CTNNA2: variants seen among roughly 807,000 people sequenced by gnomAD.
CTNNA2 encodes catenin alpha-2.
CTNNA2 carries 42 observed loss-of-function variants against 101.0 expected under a neutral mutation model. The ratio of observed to expected loss-of-function variants is 0.42; its 90% CI spans 0.32 to 0.54. CTNNA2 has a LOEUF of 0.54. Among genes scored for constraint, CTNNA2 ranks in the 20% least tolerant of loss-of-function variants. CTNNA2 has a pLI of 0.14. For synonymous variants in CTNNA2, 450 were observed against 456.4 expected, an observed-to-expected ratio of 0.99 and a Z score of 0.18; for missense variants, 871 against 1,223.1, an observed-to-expected ratio of 0.71 and a Z score of 4.29.
chr2:80,509,025 C>G (rs533098562), intron 9 of CTNNA2, among the ~76,000 whole-genome samples: 1 of 152,244 alleles, frequency 6.6e-6, no homozygotes, highest in Admixed American at 6.5e-5. Flanking sequence ...ATCTGTGGAT[C>G]AAACCAAGCA....
At chr2:79,784,964 G>C (rs990793544) in intron 3 of CTNNA2, among the ~76,000 whole-genome samples, 4 of 152,040 alleles carry the variant, frequency 2.6e-5, no homozygotes, top group Non-Finnish European at 5.9e-5. Flanking sequence ...ATGTTTACTT[G>C]GTCAAAATTA....
rs1689114951 is a variant in CTNNA2 at position 79,954,816 on chromosome 2, A to C, written c.1056+45019A>C. Among the ~76,000 whole-genome samples, 3 of 152,120 alleles carry C rather than the reference A, an allele frequency of 2.0e-5. 1 individual carries two copies. In the South Asian group the frequency reaches 6.2e-4, roughly 32 times the overall value. On this transcript the variant is annotated intron_variant, in intron 7 of 18. Coordinates refer to ENST00000402739, the MANE Select transcript of CTNNA2 (RefSeq NM_001282597.3). ...TAGACCTGTGGGTTTTTTTCTTTTC[A>C]ATATCGTTGTTATTCAGAGAACATA...
intron 4 of CTNNA2, among the ~76,000 whole-genome samples, chr2:79,434,450 T>A (rs1423637852): frequency 1.3e-5 from 2 of 152,122 alleles, no homozygotes; most frequent in African/African-American, 4.8e-5. Flanking sequence ...ACACAAAAGA[T>A]AATCTAGCTG....
At chr2:80,185,502 A>G (rs1449808694) in intron 7 of CTNNA2, among the ~76,000 whole-genome samples, 2 of 152,214 alleles carry the variant, frequency 1.3e-5, no homozygotes, top group Non-Finnish European at 2.9e-5. Flanking sequence ...GACATTTCAG[A>G]AACTCTCTGT....
At chr2:80,068,472 C>T (rs1698120000) in intron 7 of CTNNA2, among the ~76,000 whole-genome samples, 1 of 152,212 alleles carries the variant, frequency 6.6e-6, no homozygotes, top group Non-Finnish European at 1.5e-5. Context: ...ATAATTGCAA[C>T]TCCTTGCACA....
rs1019598627 is a variant in CTNNA2, at chr2:80,160,329, G to A, written c.1057-232882G>A. Among the ~76,000 whole-genome samples the A allele has an allele frequency of 5.9e-5, 9 of 152,010 alleles. No individual in the cohort carries two copies. In the South Asian group the frequency reaches 6.2e-4, roughly 11 times the overall value. On this transcript the variant is annotated intron_variant, in intron 7 of 18. Transcript: ENST00000402739. ...CATTTTAGAATAATGTTATTTATAC[G>A]TACAAAAGTTTTTCTTGGATTTTGC...
chr2:80,168,791 T>G (rs1704860546), intron 7 of CTNNA2, among the ~76,000 whole-genome samples: 1 of 152,174 alleles, frequency 6.6e-6, no homozygotes, highest in Non-Finnish European at 1.5e-5. Context: ...GTACACATTT[T>G]TTTTTAGACT....
intron 7 of CTNNA2, among the ~76,000 whole-genome samples, chr2:80,279,986 C>A (rs1674237619): frequency 6.6e-6 from 1 of 151,880 alleles, no homozygotes. Flanking sequence ...CTCTCCAGTT[C>A]AGCAACACTC....
At chr2:79,951,682 ATAAGT>A (rs60290707) in intron 7 of CTNNA2, among the ~76,000 whole-genome samples, 45,542 of 147,872 alleles carry the variant, frequency 0.31, 7,295 homozygotes, top group Non-Finnish European at 0.37. Context: ...AAAAAATAAG[ATAAGT>A]TAAAATAAAA....
intron 18 of CTNNA2, among the ~76,000 whole-genome samples, chr2:80,643,567 AGATG>A (rs1673719889): frequency 6.6e-6 from 1 of 152,164 alleles, no homozygotes; most frequent in African/African-American, 2.4e-5. Flanking sequence ...AACCAGGAAA[AGATG>A]GATATGTCTT....
chr2:79,597,271 G>T (rs1359869087), intron 1 of CTNNA2, among the ~76,000 whole-genome samples: 2 of 152,052 alleles, frequency 1.3e-5, no homozygotes, highest in African/African-American at 2.4e-5. Context: ...AGGAGATCGA[G>T]ACCATCCTGG....
At chr2:80,072,946 G>T (rs978534101) in intron 7 of CTNNA2, among the ~76,000 whole-genome samples, 1 of 152,210 alleles carries the variant, frequency 6.6e-6, no homozygotes, top group Admixed American at 6.5e-5. Flanking sequence ...CTTCTGTTAA[G>T]TCAGTATCAC....
intron 2 of CTNNA2, among the ~76,000 whole-genome samples, chr2:79,227,589 C>A (rs1674436579): frequency 6.6e-6 from 1 of 152,116 alleles, no homozygotes; most frequent in Admixed American, 6.6e-5. Context: ...GTGAGTCACA[C>A]AATTTTTGGT....
intron 1 of CTNNA2, among the ~76,000 whole-genome samples, chr2:79,592,738 A>G (rs1177476063): frequency 6.6e-6 from 1 of 152,198 alleles, no homozygotes; most frequent in Non-Finnish European, 1.5e-5. Flanking sequence ...TACAGTGCCC[A>G]GTCCTCTGCT....
At chr2:80,157,677 C>T (rs538265421) in intron 7 of CTNNA2, among the ~76,000 whole-genome samples, 1 of 152,048 alleles carries the variant, frequency 6.6e-6, no homozygotes, top group South Asian at 2.1e-4. Context: ...TTTGCTAACA[C>T]TTGCTGTGTC....
chr2:80,275,738 G>A (rs1052467735), intron 7 of CTNNA2, among the ~76,000 whole-genome samples: 1 of 152,098 alleles, frequency 6.6e-6, no homozygotes, highest in African/African-American at 2.4e-5. Context: ...GAGAATAAAT[G>A]TGTGTAAACT....
At chr2:80,033,739 G>A (rs906467696) in intron 7 of CTNNA2, among the ~76,000 whole-genome samples, 2 of 152,092 alleles carry the variant, frequency 1.3e-5, no homozygotes, top group African/African-American at 4.8e-5. Flanking sequence ...TACACTGCAA[G>A]CTTCTATGAA....
chr2:80,293,441 T>C (rs990396576), intron 7 of CTNNA2, among the ~76,000 whole-genome samples: 5 of 152,208 alleles, frequency 3.3e-5, no homozygotes, highest in Non-Finnish European at 7.3e-5. Flanking sequence ...GGACTTTGGT[T>C]TAAGGAGGTA....
chr2:80,536,010 CCTGTTTTTCTACCAGCTG>C (rs1233921777), intron 9 of CTNNA2, among the ~76,000 whole-genome samples: 2 of 152,124 alleles, frequency 1.3e-5, no homozygotes, highest in Non-Finnish European at 2.9e-5. Context: ...GAAGGCTGAG[CCTGTTTTTCTACCAGCTG>C]CTTCTGTCTT....
Sources: gnomAD v4.1 joint callset for allele counts (sites outside exome capture counted in the v4.1 genomes callset) on GRCh38, gnomAD v4.1.1 for gene constraint, MANE v1.5 for transcripts, NCBI Gene and HGNC (gene_info 2026-07-23, HGNC 2026-07-21) for gene names.